EXOC4: variants seen among roughly 807,000 people sequenced by gnomAD.
EXOC4 encodes the protein SEC8-like 1.
In EXOC4, 71 loss-of-function variants were observed where a neutral mutation model predicts 107.2. The observed-to-expected ratio is 0.66, with a 90% confidence interval of 0.55 to 0.81. EXOC4 has a LOEUF of 0.81. Among genes scored for constraint, EXOC4 ranks in the 30% least tolerant of loss-of-function variants. The pLI is 0.00. For missense variants in EXOC4, 1,108 were observed against 1,189.6 expected, an observed-to-expected ratio of 0.93 and a Z score of 1.01; for synonymous variants, 456 against 441.2, an observed-to-expected ratio of 1.03 and a Z score of -0.42.
At position 133,851,486 on chromosome 7, in the gene EXOC4, G is replaced by T. The variant is rs145076337; in HGVS notation, c.1734+33942G>T. On this transcript the variant is annotated intron_variant, in intron 11 of 17. Transcript: ENST00000253861. ...GGTGTGAGCCACTGGCCCTGCCAGG[G>T]TGGCATGTTTTGATCAGTGATGGGG... Among the ~76,000 whole-genome samples, 916 of 152,328 alleles carry T rather than the reference G, an allele frequency of 6.0e-3. 7 individuals carry two copies. Among genetic ancestry groups the T allele is most frequent in the African/African-American group, 0.021 (865 of 41,566 alleles).
intron 2 of EXOC4, among the ~76,000 whole-genome samples, chr7:133,280,231 ATAACTGGGCAGTTC>A (rs1348777217): frequency 6.6e-6 from 1 of 152,246 alleles, no homozygotes; most frequent in Non-Finnish European, 1.5e-5. Flanking sequence ...AATAAGCAAA[ATAACTGGGCAGTTC>A]TATTACTTTT....
chr7:133,487,645 G>A (rs1313157775), intron 9 of EXOC4, among the ~76,000 whole-genome samples: 2 of 152,104 alleles, frequency 1.3e-5, no homozygotes, highest in African/African-American at 4.8e-5. Flanking sequence ...GGAGGTGGAG[G>A]TTGCAGTGAG....
intron 9 of EXOC4, among the ~76,000 whole-genome samples, chr7:133,515,410 CACGTGTATATATGTACACACATTTAT>C (rs1799854456): frequency 6.6e-6 from 1 of 151,864 alleles, no homozygotes; most frequent in Non-Finnish European, 1.5e-5. Context: ...CATATATATA[CACGTGTATATATGTACACACATTTAT>C]ACGTGTGTAT....
At position 133,433,309 on chromosome 7, in the gene EXOC4, G is replaced by C. The variant is rs1179347483; in HGVS notation, c.1183-42019G>C. On this transcript the variant is annotated intron_variant, in intron 7 of 17. Coordinates refer to ENST00000253861, the MANE Select transcript of EXOC4 (RefSeq NM_021807.4). Reference sequence around the variant, plus strand: ...TCTGTTTCGTCATCCAATTGCTATTGGACTTGGTCGTGTGACTTGATATAA... The same window carrying C: ...TCTGTTTCGTCATCCAATTGCTATTCGACTTGGTCGTGTGACTTGATATAA... Among the ~76,000 whole-genome samples the C allele has an allele frequency of 2.6e-5, 4 of 152,192 alleles. No homozygotes were observed. The East Asian group carries it at 5.8e-4, about 22-fold the overall frequency.
intron 10 of EXOC4, among the ~76,000 whole-genome samples, chr7:133,807,686 A>G (rs1797111791): frequency 6.6e-6 from 1 of 152,194 alleles, no homozygotes. Context: ...AAGCAGGATT[A>G]TTATTTTGTT....
chr7:133,916,742 G>T (rs1157167786), intron 12 of EXOC4, among the ~76,000 whole-genome samples: 1 of 152,196 alleles, frequency 6.6e-6, no homozygotes, highest in Non-Finnish European at 1.5e-5. Flanking sequence ...GTCTTGGTCA[G>T]CCCCAGAGGA....
chr7:134,044,828 G>C (rs1018596964), intron 17 of EXOC4, among the ~76,000 whole-genome samples: 1 of 152,194 alleles, frequency 6.6e-6, no homozygotes, highest in Non-Finnish European at 1.5e-5. Context: ...TATGATTTCA[G>C]TGAGTCTCTT....
intron 9 of EXOC4, among the ~76,000 whole-genome samples, chr7:133,512,438 A>G (rs1003499693): frequency 6.6e-6 from 1 of 151,874 alleles, no homozygotes; most frequent in African/African-American, 2.4e-5. Context: ...TAAAAAAAAA[A>G]AAGAAAATAC....
chr7:133,872,294 A>G (rs1798767122), intron 11 of EXOC4, among the ~76,000 whole-genome samples: 1 of 152,222 alleles, frequency 6.6e-6, no homozygotes, highest in Admixed American at 6.5e-5. Flanking sequence ...TTTTGATGTT[A>G]GCAGTTAATT....
chr7:133,253,543 C>A, intron 1 of EXOC4: 1 of 1,006,360 alleles, frequency 9.9e-7, no homozygotes, highest in Non-Finnish European at 1.2e-6. Flanking sequence ...CCTGTAGCAG[C>A]ACTCACTGAG....
intron 11 of EXOC4, among the ~76,000 whole-genome samples, chr7:133,856,926 C>T (rs995871533): frequency 3.6e-4 from 55 of 150,756 alleles, no homozygotes; most frequent in African/African-American, 1.1e-3. Flanking sequence ...CGGTGAAACC[C>T]CGTCTCTACT....
rs190149613 is a variant in EXOC4, at chr7:133,706,601, G to C, written c.1514+76460G>C. 6.3e-3 allele frequency among the ~76,000 whole-genome samples: 955 copies of C among 152,290 alleles called. 6 individuals carry two copies. The highest frequency in any genetic ancestry group is 0.011 in the Non-Finnish European group (725 of 68,026). ...TTAATAATACATTTTATTGCACCCA[G>C]TACATCCAAAATACTATCTCTTCAA... On this transcript the variant is annotated intron_variant, in intron 10 of 17. Transcript: ENST00000253861.
At chr7:134,029,357 AT>A (rs1477256646) in intron 17 of EXOC4, among the ~76,000 whole-genome samples, 8 of 152,180 alleles carry the variant, frequency 5.3e-5, no homozygotes, top group Non-Finnish European at 1.0e-4. Context: ...TTATAATTTC[AT>A]TCATATGAAG....
intron 2 of EXOC4, among the ~76,000 whole-genome samples, chr7:133,281,052 G>A (rs1794124825): frequency 6.6e-6 from 1 of 152,116 alleles, no homozygotes; most frequent in African/African-American, 2.4e-5. Context: ...GGAAGGTATT[G>A]GAAAGTGTTG....
At chr7:133,523,508 C>A (rs911476540) in intron 9 of EXOC4, among the ~76,000 whole-genome samples, 2 of 150,328 alleles carry the variant, frequency 1.3e-5, no homozygotes, top group Non-Finnish European at 2.9e-5. Flanking sequence ...TAGTTACATA[C>A]GTATACATGT....
At chr7:134,095,626 T>G in the EXOC4 span, among the ~76,000 whole-genome samples, 1 of 151,958 alleles carries the variant, frequency 6.6e-6, no homozygotes, top group African/African-American at 2.4e-5. Flanking sequence ...AACAAACACA[T>G]ACACCAATGA....
intron 10 of EXOC4, among the ~76,000 whole-genome samples, chr7:133,701,960 T>TCTTTTA (rs1562914931): frequency 7.2e-6 from 1 of 137,944 alleles, no homozygotes; most frequent in African/African-American, 2.9e-5. Flanking sequence ...CTGTCATTTT[T>TCTTTTA]CTTTTTCTTT....
intron 5 of EXOC4, among the ~76,000 whole-genome samples, chr7:133,328,686 G>A (rs573175633): frequency 4.6e-5 from 7 of 152,262 alleles, no homozygotes; most frequent in Admixed American, 6.5e-5. Context: ...ATGAAACTTA[G>A]TTTGGCTGGA....
At chr7:133,823,876 A>ATATATATATATATAT (rs1797616027) in intron 11 of EXOC4, among the ~76,000 whole-genome samples, 4 of 16,376 alleles carry the variant, frequency 2.4e-4, no homozygotes, top group East Asian at 1.3e-3. Flanking sequence ...TATATATTAT[A>ATATATATATATATAT]TATATATATA....
Sources: gnomAD v4.1 joint callset for allele counts (sites outside exome capture counted in the v4.1 genomes callset) on GRCh38, gnomAD v4.1.1 for gene constraint, MANE v1.5 for transcripts, NCBI Gene and HGNC (gene_info 2026-07-23, HGNC 2026-07-21) for gene names.